Variants in DMD observed in about 807,000 individuals in gnomAD.
DMD encodes mutant dystrophin.
DMD carries 63 observed loss-of-function variants against 330.1 expected under a neutral mutation model. The observed-to-expected ratio is 0.19, with a 90% CI of 0.16 to 0.24. DMD has a LOEUF of 0.24. Ranked by LOEUF, DMD falls within the 10% of genes least tolerant of loss-of-function variation. The probability of loss-of-function intolerance (pLI) is 1.00; values close to 1 mark genes in which losing one functional copy is unlikely to be tolerated. For synonymous variants in DMD, 1,223 were observed against 959.8 expected (o/e 1.27, Z -5.07); for missense variants, 3,344 against 2,684.1 (o/e 1.25, Z -5.43).
chrX:32,585,012 A>G (rs2149206802), intron 13 of DMD, among the ~76,000 whole-genome samples: 1 of 111,885 alleles, frequency 8.9e-6, no homozygotes, highest in South Asian at 3.7e-4. Context: ...TTATTTGGCC[A>G]TAAAAAGGAA....
At chrX:31,195,938 A>C (rs140839369) in intron 67 of DMD, among the ~76,000 whole-genome samples, 4,469 of 111,453 alleles carry the variant, frequency 0.04, 255 homozygotes, top group African/African-American at 0.14. Flanking sequence ...ATGGAAAACA[A>C]AATGACATGT....
chrX:32,472,628 C>T (rs774506243), intron 21 of DMD, among the ~76,000 whole-genome samples: 1 of 110,361 alleles, frequency 9.1e-6, no homozygotes, highest in South Asian at 3.9e-4. Context: ...AGTAAATTGC[C>T]CAAGGTGATA....
rs138791679 is a variant in DMD, at chrX:31,638,937, C to G, written c.8028-11075G>C. Among the ~76,000 whole-genome samples, 327 of 111,670 alleles carry G rather than the reference C, an allele frequency of 2.9e-3. 2 individuals are homozygous for G. The highest frequency in any genetic ancestry group is 7.1e-3 in the South Asian group (19 of 2,658). ...AGAATAGATGAGTGTTATCACCACC[C>G]TTTTATAGAGATCATGCCATTCAAG... On this transcript the variant is annotated intron_variant, in intron 54 of 78. Transcript: ENST00000357033.
At chrX:31,543,850 A>G (rs1300558432) in intron 55 of DMD, among the ~76,000 whole-genome samples, 1 of 111,420 alleles carries the variant, frequency 9.0e-6, no homozygotes, top group African/African-American at 3.3e-5. Flanking sequence ...TGAACTCGCC[A>G]AAGTAAATTT....
intron 44 of DMD, among the ~76,000 whole-genome samples, chrX:32,190,592 A>G (rs1264613797): frequency 5.6e-4 from 53 of 94,043 alleles, no homozygotes; most frequent in African/African-American, 2.0e-3. Flanking sequence ...ATATTTCACC[A>G]CAAGATTTTT....
chrX:32,400,007 G>A (rs748396787), intron 30 of DMD, among the ~76,000 whole-genome samples: 1 of 111,391 alleles, frequency 9.0e-6, no homozygotes, highest in Admixed American at 9.5e-5. Context: ...GAATAGGAGT[G>A]GTGAGAGAGG....
chrX:32,073,702 A>G (rs5972485), intron 44 of DMD, among the ~76,000 whole-genome samples: 32,805 of 110,887 alleles, frequency 0.3, 3,875 homozygotes, highest in African/African-American at 0.45. Context: ...GACTTAATAG[A>G]TAAGAGAATA....
At chrX:31,618,616 T>A (rs1367810775) in intron 55 of DMD, among the ~76,000 whole-genome samples, 1 of 111,806 alleles carries the variant, frequency 8.9e-6, no homozygotes, top group African/African-American at 3.3e-5. Context: ...TGTAGAGTAA[T>A]GGGTAGGACA....
rs1400270583 is a variant in DMD at position 33,183,422 on chromosome X, T to C, written c.31+27860A>G. On this transcript the variant is annotated intron_variant, in intron 1 of 78. Coordinates refer to ENST00000357033, the MANE Select transcript of DMD (RefSeq NM_004006.3). ...ACTCAAGCCCACCAACTCTCAGCTA[T>C]TTGTCAAAGCTAAGGAAAAAGATAG... Among the ~76,000 whole-genome samples, 5 of 111,892 alleles carry C rather than the reference T, an allele frequency of 4.5e-5. No homozygotes were observed. The East Asian group carries it at 1.4e-3, about 32-fold the overall frequency.
intron 2 of DMD, among the ~76,000 whole-genome samples, chrX:33,004,363 C>G (rs1034846001): frequency 3.6e-5 from 4 of 111,347 alleles, no homozygotes; most frequent in Non-Finnish European, 7.6e-5. Context: ...ATATATTCTT[C>G]TAATGAGCTG....
intron 16 of DMD, among the ~76,000 whole-genome samples, chrX:32,548,651 G>A (rs943442132): frequency 9.0e-6 from 1 of 111,535 alleles, no homozygotes; most frequent in African/African-American, 3.2e-5. Context: ...AATTTCTGTT[G>A]CACAGTGTAT....
chrX:32,662,593 G>A lies in DMD; in HGVS notation c.961-17441C>T, dbSNP rs753864008. ...TAACACGGGTTGTTCCGTATAGTTGGCCAACATTGCTTATTTCTTCCACTG... is the reference window on the plus strand; with the variant it reads ...TAACACGGGTTGTTCCGTATAGTTGACCAACATTGCTTATTTCTTCCACTG... On this transcript the variant is annotated intron_variant, in intron 9 of 78. Transcript: ENST00000357033. Among the ~76,000 whole-genome samples, 17 of 111,423 alleles carry A rather than the reference G, an allele frequency of 1.5e-4. No homozygotes were observed. In the South Asian group the frequency reaches 6.4e-3, roughly 42 times the overall value.
At chrX:32,087,064 A>G (rs2096444335) in intron 44 of DMD, among the ~76,000 whole-genome samples, 1 of 111,741 alleles carries the variant, frequency 8.9e-6, no homozygotes, top group Non-Finnish European at 1.9e-5. Flanking sequence ...ATTCTTGCCT[A>G]TCTTAACCAC....
Position 32,112,444 on chromosome X carries a change from A to G in DMD, c.6438+104472T>C, listed in dbSNP as rs368134830. ...AAAGACACAACGAGGTAGAGGGCCA[A>G]CTGTATTCAAGTAGCAGCGGGAAGG... On this transcript the variant is annotated intron_variant, in intron 44 of 78. Transcript: ENST00000357033. Among the ~76,000 whole-genome samples the G allele has an allele frequency of 5.4e-5, 6 of 111,967 alleles. No individual in the cohort carries two copies. The East Asian group carries it at 1.1e-3, about 21-fold the overall frequency.
chrX:32,498,079 G>T (rs911051878), intron 19 of DMD, among the ~76,000 whole-genome samples: 2 of 110,896 alleles, frequency 1.8e-5, no homozygotes, highest in Admixed American at 9.6e-5. Context: ...TTTTCAATAT[G>T]CACAGCTACA....
chrX:32,345,349 T>C (rs1408682887), intron 39 of DMD, among the ~76,000 whole-genome samples: 1 of 111,640 alleles, frequency 9.0e-6, no homozygotes, highest in Non-Finnish European at 1.9e-5. Flanking sequence ...CTTGAAGCCA[T>C]ACACTACACT....
At chrX:31,655,861 G>T (rs1603441458) in intron 54 of DMD, among the ~76,000 whole-genome samples, 3 of 111,727 alleles carry the variant, frequency 2.7e-5, no homozygotes, top group East Asian at 5.6e-4. Context: ...GTGGTATTTT[G>T]TTACGGAAGC....
intron 1 of DMD, among the ~76,000 whole-genome samples, chrX:33,328,170 C>T (rs1213898148): frequency 9.0e-6 from 1 of 110,711 alleles, no homozygotes; most frequent in African/African-American, 3.3e-5. Context: ...AATCTGATGC[C>T]GAAAAGAACA....
At chrX:33,316,339 T>A (rs1422814986) in intron 1 of DMD, among the ~76,000 whole-genome samples, 1 of 111,048 alleles carries the variant, frequency 9.0e-6, no homozygotes, top group African/African-American at 3.3e-5. Context: ...GCACTAATTC[T>A]CAATTATATT....
Sources: gnomAD v4.1 joint callset for allele counts (sites outside exome capture counted in the v4.1 genomes callset) on GRCh38, gnomAD v4.1.1 for gene constraint, MANE v1.5 for transcripts, NCBI Gene and HGNC (gene_info 2026-07-23, HGNC 2026-07-21) for gene names.